Variants in RNF180 observed in about 807,000 individuals in gnomAD.
The protein encoded by RNF180 is ring finger protein 180.
Under a neutral mutation model 59.2 loss-of-function variants are expected in RNF180, and 38 were observed. The ratio of observed to expected loss-of-function variants is 0.64; its 90% CI spans 0.50 to 0.84. The LOEUF (loss-of-function observed/expected upper bound fraction) is 0.84, where lower values mean the gene tolerates loss of function less well. Among genes scored for constraint, RNF180 ranks in the 40% least tolerant of loss-of-function variants. RNF180 has a pLI of 0.00. For synonymous variants in RNF180, 262 were observed against 240.3 expected, an observed-to-expected ratio of 1.09 and a Z score of -0.84; for missense variants, 705 against 700.9, an observed-to-expected ratio of 1.01 and a Z score of -0.07.
intron 5 of RNF180, among the ~76,000 whole-genome samples, chr5:64,300,856 T>C (rs1464917053): frequency 1.3e-5 from 2 of 151,810 alleles, no homozygotes; most frequent in Admixed American, 1.3e-4. Flanking sequence ...CTATATCTCC[T>C]ATTCATTACC....
chr5:64,312,745 C>G (rs908413573), intron 5 of RNF180, among the ~76,000 whole-genome samples: 1 of 152,102 alleles, frequency 6.6e-6, no homozygotes, highest in Non-Finnish European at 1.5e-5. Flanking sequence ...ATACCAACTG[C>G]AGGTCCCTTA....
chr5:64,365,308 A>G (rs1746404693), intron 7 of RNF180, among the ~76,000 whole-genome samples: 1 of 151,632 alleles, frequency 6.6e-6, no homozygotes, highest in Admixed American at 6.6e-5. Flanking sequence ...CCATGTAAAT[A>G]TATAGTTTTG....
rs183134212 is a variant in RNF180 at position 64,219,784 on chromosome 5, G to A, written c.1227+2388G>A. On this transcript the variant is annotated intron_variant, in intron 5 of 7. Coordinates refer to ENST00000389100, the MANE Select transcript of RNF180 (RefSeq NM_001113561.2). ...TCCGCCTGCCTCAGCCTCCCAAAGT[G>A]CTAGGATTACAGGCGTGAGCCACCG... is the stretch of plus-strand genomic sequence containing the variant. Among the ~76,000 whole-genome samples, 79 of 152,188 alleles carry A rather than the reference G, an allele frequency of 5.2e-4. No individual in the cohort carries two copies. The East Asian group carries it at 0.011, about 22-fold the overall frequency.
At chr5:64,302,487 C>A (rs1022446924) in intron 5 of RNF180, among the ~76,000 whole-genome samples, 1 of 151,556 alleles carries the variant, frequency 6.6e-6, no homozygotes, top group African/African-American at 2.4e-5. Context: ...CTTTTTAGGG[C>A]TGAGAAACTT....
At chr5:64,277,178 T>G (rs1476549256) in intron 5 of RNF180, among the ~76,000 whole-genome samples, 2 of 112,466 alleles carry the variant, frequency 1.8e-5, no homozygotes, top group Non-Finnish European at 1.9e-5. Flanking sequence ...TGGGTGGTCT[T>G]AAAAAAAAAA....
chr5:64,168,203 T>C (rs1173797657), intron 1 of RNF180, among the ~76,000 whole-genome samples: 1 of 152,230 alleles, frequency 6.6e-6, no homozygotes, highest in Non-Finnish European at 1.5e-5. Context: ...ATCAAAAAAC[T>C]AATTCAGCTT....
chr5:64,300,308 C>G (rs1743093860), intron 5 of RNF180, among the ~76,000 whole-genome samples: 1 of 151,710 alleles, frequency 6.6e-6, no homozygotes, highest in Non-Finnish European at 1.5e-5. Flanking sequence ...AAAGTTAAAC[C>G]CACAATGCTT....
intron 7 of RNF180, among the ~76,000 whole-genome samples, chr5:64,349,634 G>C (rs900056133): frequency 2.6e-5 from 4 of 151,346 alleles, no homozygotes; most frequent in Non-Finnish European, 5.9e-5. Flanking sequence ...TCCCCTTCCT[G>C]TGTCCAAGTG....
At chr5:64,339,668 G>A (rs939248130) in intron 7 of RNF180, among the ~76,000 whole-genome samples, 4 of 151,566 alleles carry the variant, frequency 2.6e-5, no homozygotes, top group Non-Finnish European at 4.4e-5. Context: ...TCCCATATAC[G>A]CCTTTGGCTT....
intron 1 of RNF180, among the ~76,000 whole-genome samples, chr5:64,187,677 C>T (rs761428705): frequency 7.2e-5 from 11 of 152,136 alleles, no homozygotes; most frequent in Non-Finnish European, 1.3e-4. Flanking sequence ...TATCTGATAT[C>T]TTTCACAAAG....
intron 7 of RNF180, among the ~76,000 whole-genome samples, chr5:64,364,905 A>T (rs919109522): frequency 5.3e-5 from 8 of 151,158 alleles, no homozygotes; most frequent in Non-Finnish European, 1.0e-4. Flanking sequence ...CTGTGGAGTC[A>T]GTGGTGTAAT....
At chr5:64,260,036 C>T (rs983698491) in intron 5 of RNF180, among the ~76,000 whole-genome samples, 2 of 152,132 alleles carry the variant, frequency 1.3e-5, no homozygotes, top group African/African-American at 4.8e-5. Flanking sequence ...TTAGGATGTC[C>T]TCATTTCTTA....
intron 1 of RNF180, among the ~76,000 whole-genome samples, chr5:64,194,637 C>T (rs551538447): frequency 6.6e-6 from 1 of 152,166 alleles, no homozygotes; most frequent in Non-Finnish European, 1.5e-5. Flanking sequence ...TAAAAGTGTT[C>T]CTATTTCTCC....
At chr5:64,303,540 C>T (rs574090665) in intron 5 of RNF180, among the ~76,000 whole-genome samples, 7 of 151,544 alleles carry the variant, frequency 4.6e-5, no homozygotes, top group South Asian at 2.1e-4. Context: ...GAAGACAGTT[C>T]GAATGGTCTA....
At position 64,313,118 on chromosome 5, in the gene RNF180, C is replaced by T. The variant is rs556700864; in HGVS notation, c.1228-12068C>T. On this transcript the variant is annotated intron_variant, in intron 5 of 7. Transcript: ENST00000389100. ...AAACATCAAATTTATGATTCATATA[C>T]ATATTATACATATAGCCTGAAGGTA... is the stretch of plus-strand genomic sequence containing the variant. 1.4e-3 allele frequency among the ~76,000 whole-genome samples: 218 copies of T among 152,180 alleles called. 1 individual carries two copies. Among genetic ancestry groups the T allele is most frequent in the African/African-American group, 5.0e-3 (207 of 41,532 alleles).
chr5:64,308,305 G>T (rs931898528), intron 5 of RNF180, among the ~76,000 whole-genome samples: 3 of 151,690 alleles, frequency 2.0e-5, no homozygotes, highest in African/African-American at 7.3e-5. Context: ...GACATGCACA[G>T]AACAGCAAAA....
At position 64,363,488 on chromosome 5, in the gene RNF180, C is replaced by T. The variant is rs140367344; in HGVS notation, c.1580-6127C>T. Among the ~76,000 whole-genome samples the T allele has an allele frequency of 4.1e-4, 62 of 151,704 alleles. 1 individual carries two copies. Among genetic ancestry groups the T allele is most frequent in the Admixed American group, 7.2e-4 (11 of 15,178 alleles). Reference sequence around the variant, plus strand: ...AGTACCATGCTGTTTTGGTTGCTATCGCCCTGTAGTATAGTTTGAAGGCAG... The same window carrying T: ...AGTACCATGCTGTTTTGGTTGCTATTGCCCTGTAGTATAGTTTGAAGGCAG... On this transcript the variant is annotated intron_variant, in intron 7 of 7. Transcript: ENST00000389100.
chr5:64,180,763 A>C (rs1012483001), intron 1 of RNF180, among the ~76,000 whole-genome samples: 3 of 152,184 alleles, frequency 2.0e-5, no homozygotes, highest in African/African-American at 7.2e-5. Flanking sequence ...CAAAATGGAA[A>C]GACATCCCTT....
Position 64,295,851 on chromosome 5 carries a change from G to T in RNF180, c.1228-29335G>T, listed in dbSNP as rs73103169. On this transcript the variant is annotated intron_variant, in intron 5 of 7. Transcript: ENST00000389100. Reference sequence around the variant, plus strand: ...CTTACATACTGAGCATCTTCTATGTGTCAGGCACTCTTCTAAGTTATAGGA... The same window carrying T: ...CTTACATACTGAGCATCTTCTATGTTTCAGGCACTCTTCTAAGTTATAGGA... Among the ~76,000 whole-genome samples, 1,245 of 152,142 alleles carry T rather than the reference G, an allele frequency of 8.2e-3. 17 individuals carry two copies. Among genetic ancestry groups the T allele is most frequent in the African/African-American group, 0.029 (1,189 of 41,488 alleles).
Sources: allele counts gnomAD v4.1 joint callset (sites outside exome capture counted in the v4.1 genomes callset), GRCh38; gene constraint gnomAD v4.1.1; transcripts MANE v1.5; gene names NCBI Gene and HGNC (gene_info 2026-07-23, HGNC 2026-07-21).